The following MCTP1 variants were observed in gnomAD, a reference collection of about 807,000 sequenced individuals.
The protein encoded by MCTP1 is multiple C2 and transmembrane domain-containing protein 1.
Under a neutral mutation model 120.6 loss-of-function variants are expected in MCTP1, and 69 were observed. The observed-to-expected ratio is 0.57, with a 90% CI of 0.47 to 0.70. The LOEUF is 0.70. MCTP1 is among the 30% of genes least tolerant of loss of function. The probability of loss-of-function intolerance (pLI) is 0.00; values close to 1 mark genes in which losing one functional copy is unlikely to be tolerated. For missense variants in MCTP1, 1,203 were observed against 1,248.8 expected (o/e 0.96, Z 0.55); for synonymous variants, 529 against 493.1 (o/e 1.07, Z -0.96).
chr5:95,240,413 A>G (rs1052157773), intron 1 of MCTP1, among the ~76,000 whole-genome samples: 2 of 152,160 alleles, frequency 1.3e-5, no homozygotes, highest in Admixed American at 6.5e-5. Flanking sequence ...GGCAGAAACA[A>G]AGTGAAGGTG....
At chr5:95,071,160 C>A (rs541788747) in intron 1 of MCTP1, among the ~76,000 whole-genome samples, 26 of 152,310 alleles carry the variant, frequency 1.7e-4, no homozygotes. Flanking sequence ...TGAAGGCTAA[C>A]CAGGAAGGCT....
intron 11 of MCTP1, among the ~76,000 whole-genome samples, chr5:94,893,955 C>G (rs1298278640): frequency 6.6e-6 from 1 of 152,166 alleles, no homozygotes; most frequent in African/African-American, 2.4e-5. Context: ...GGAGTAAGAG[C>G]TCCCCTCTCT....
intron 1 of MCTP1, among the ~76,000 whole-genome samples, chr5:95,199,635 A>G (rs943550249): frequency 6.6e-6 from 1 of 151,234 alleles, no homozygotes; most frequent in South Asian, 2.1e-4. Flanking sequence ...AGGCGGGTGG[A>G]TCACTTGAGG....
intron 17 of MCTP1, among the ~76,000 whole-genome samples, chr5:94,839,880 G>A (rs1790618766): frequency 6.6e-6 from 1 of 152,174 alleles, no homozygotes; most frequent in African/African-American, 2.4e-5. Context: ...ACACTGCCTA[G>A]CATATAATAT....
rs191841767 is a variant in MCTP1 at position 95,021,895 on chromosome 5, T to A, written c.721-4411A>T. ...ATTTCACAATTTAACATGATGTTTA[T>A]GAAGCTTAGGCTTTTTCTTCTCTTA... is the stretch of plus-strand genomic sequence containing the variant. On this transcript the variant is annotated intron_variant, in intron 1 of 22. Transcript: ENST00000515393. 2.3e-3 allele frequency among the ~76,000 whole-genome samples: 353 copies of A among 152,280 alleles called. 7 individuals are homozygous for A. In the East Asian group the frequency reaches 0.031, roughly 13 times the overall value.
intron 1 of MCTP1, among the ~76,000 whole-genome samples, chr5:95,163,535 G>C (rs980486189): frequency 6.6e-6 from 1 of 152,190 alleles, no homozygotes. Context: ...ACTATATAGA[G>C]AGCAGTAGGA....
In MCTP1 at chr5:95,284,206, G is replaced by A. The variant is rs1760566207; in HGVS notation, c.370C>T (p.Arg124Trp). 1 of 1,564,784 alleles carries A rather than the reference G, an allele frequency of 6.4e-7. No homozygotes were observed. The highest frequency in any genetic ancestry group is 8.6e-7 in the Non-Finnish European group (1 of 1,159,532). Residue 124 changes from arginine (R) to tryptophan (W), a missense_variant, in exon 1 of 23, where the codon CGG (arginine) becomes TGG (tryptophan). Arg to Trp is a moderately radical substitution (Grantham distance 101). Coordinates refer to ENST00000515393, the MANE Select transcript of MCTP1 (RefSeq NM_024717.7). This position sits in a 1 kb window ranked among gnomAD's most constrained non-coding sequence, Gnocchi z 5.2. ...RAEQGSTLRR[R>W]IREHLLPAVK... ...GCGGGGAGCAAATGCTCGCGGATCC[G>A]GCGGCGTAGCGTGGACCCCTGCTCG... is the stretch of plus-strand genomic sequence containing the variant.
intron 1 of MCTP1, among the ~76,000 whole-genome samples, chr5:95,128,093 G>A (rs538631110): frequency 1.3e-5 from 2 of 152,298 alleles, no homozygotes; most frequent in African/African-American, 4.8e-5. Flanking sequence ...TGAAGGGGTT[G>A]GCTTGAGGAG....
Position 95,284,348 on chromosome 5 carries a change from G to A in MCTP1, c.228C>T (p.Ser76=), listed in dbSNP as rs764137028. The A allele has an allele frequency of 1.5e-5, 24 of 1,596,966 alleles. No homozygotes were observed. Among genetic ancestry groups the A allele is most frequent in the African/African-American group, 2.7e-5 (2 of 74,850 alleles). Residue 76 remains serine (S), a synonymous_variant, in exon 1 of 23, where the codon AGC becomes AGT. Transcript: ENST00000515393. This position sits in a 1 kb window ranked among gnomAD's most constrained non-coding sequence, Gnocchi z 5.2. ...NAPARGSGAG[S]RWSGFKKRKQ... The stretch of plus-strand genomic sequence containing the variant: ...TCCGCTTCTTGAAGCCGCTCCACCT[G>A]CTGCCTGCACCACTCCCCCTGGCCG...
At chr5:94,792,492 C>T (rs1779195282) in intron 18 of MCTP1, 1 of 152,298 alleles carries the variant, frequency 6.6e-6, no homozygotes, top group Non-Finnish European at 1.5e-5. Flanking sequence ...GCTTCCCATC[C>T]AGCTGTGCTG....
chr5:95,107,003 A>G (rs1582264277), intron 1 of MCTP1, among the ~76,000 whole-genome samples: 2 of 152,232 alleles, frequency 1.3e-5, no homozygotes, highest in East Asian at 3.8e-4. Flanking sequence ...CTAGAGCACA[A>G]TAATAAATAC....
At chr5:95,084,981 C>T (rs1405050967) in intron 1 of MCTP1, among the ~76,000 whole-genome samples, 1 of 152,114 alleles carries the variant, frequency 6.6e-6, no homozygotes, top group African/African-American at 2.4e-5. Flanking sequence ...TGAATTTATA[C>T]AGTGTTGACA....
At chr5:94,798,592 T>C (rs929085338) in intron 18 of MCTP1, among the ~76,000 whole-genome samples, 19 of 152,276 alleles carry the variant, frequency 1.2e-4, no homozygotes, top group East Asian at 9.6e-4. Context: ...CAATCCTTCA[T>C]TCTTCCAATG....
chr5:95,015,431 C>T (rs140448342), intron 2 of MCTP1, among the ~76,000 whole-genome samples: 97 of 152,188 alleles, frequency 6.4e-4, no homozygotes, highest in South Asian at 1.5e-3. Flanking sequence ...AAAATTGACT[C>T]AGATAAATGC....
chr5:95,234,176 T>G (rs899549371), intron 1 of MCTP1, among the ~76,000 whole-genome samples: 1 of 152,214 alleles, frequency 6.6e-6, no homozygotes, highest in Admixed American at 6.5e-5. Flanking sequence ...AAAGGGTGAT[T>G]CAATAACGAG....
At chr5:94,920,272 GT>G (rs5869657) in intron 7 of MCTP1, among the ~76,000 whole-genome samples, 73,111 of 128,074 alleles carry the variant, frequency 0.57, 20,311 homozygotes, top group East Asian at 0.71. Context: ...ACAGAGACCT[GT>G]TTTTTTTTTT....
intron 19 of MCTP1, among the ~76,000 whole-genome samples, chr5:94,769,778 G>T (rs1312958492): frequency 6.6e-6 from 1 of 152,016 alleles, no homozygotes; most frequent in African/African-American, 2.4e-5. Flanking sequence ...GACTTGTATT[G>T]AAACTTTTAA....
rs1781520346 is a variant in MCTP1, at chr5:94,802,958, C to T, written c.2437-3826G>A. Among the ~76,000 whole-genome samples the T allele has an allele frequency of 5.9e-5, 9 of 152,180 alleles. No individual in the cohort carries two copies. The South Asian group carries it at 1.9e-3, about 32-fold the overall frequency. On this transcript the variant is annotated intron_variant, in intron 17 of 22. Coordinates refer to ENST00000515393, the MANE Select transcript of MCTP1 (RefSeq NM_024717.7). Reference sequence around the variant, plus strand: ...TCTACAGAGTGTTAAATTCCTTCACCTCCTTCACTATAGCACCCTTTCTGT... The same window carrying T: ...TCTACAGAGTGTTAAATTCCTTCACTTCCTTCACTATAGCACCCTTTCTGT...
At chr5:95,094,898 T>C (rs1756111012) in intron 1 of MCTP1, among the ~76,000 whole-genome samples, 1 of 151,816 alleles carries the variant, frequency 6.6e-6, no homozygotes, top group East Asian at 1.9e-4. Context: ...CAAACACTCC[T>C]AAATGCCTCC....
Sources: allele counts gnomAD v4.1 joint callset (sites outside exome capture counted in the v4.1 genomes callset), GRCh38; gene constraint gnomAD v4.1.1; non-coding constraint Gnocchi (gnomAD v3.1); transcripts MANE v1.5; gene names NCBI Gene and HGNC (gene_info 2026-07-23, HGNC 2026-07-21).